PKIB: variants seen among roughly 807,000 people sequenced by gnomAD.
PKIB encodes the protein cAMP-dependent protein kinase inhibitor beta, also known as PKI-beta.
A neutral mutation model predicts 4.5 loss-of-function variants in PKIB; 2 were observed. The observed-to-expected ratio is 0.44, with a 90% CI of 0.18 to 1.39. PKIB has a LOEUF of 1.39. PKIB is among the 40% of genes most tolerant of loss of function. PKIB has a pLI of 0.27. For missense variants in PKIB, 94 were observed against 92.6 expected (o/e 1.02, Z -0.06); for synonymous variants, 38 against 36.0 (o/e 1.06, Z -0.20).
At chr6:122,660,927 A>G (rs1776960108) in intron 2 of PKIB, among the ~76,000 whole-genome samples, 3 of 152,202 alleles carry the variant, frequency 2.0e-5, no homozygotes, top group Non-Finnish European at 4.4e-5. Flanking sequence ...TTATAGATTA[A>G]ATATTTATAC....
chr6:122,497,916 C>T (rs1481468201), intron 2 of PKIB, among the ~76,000 whole-genome samples: 1 of 152,166 alleles, frequency 6.6e-6, no homozygotes, highest in African/African-American at 2.4e-5. Context: ...AATATACATT[C>T]TTCTTATCTG....
At chr6:122,532,801 T>TAC in intron 2 of PKIB, among the ~76,000 whole-genome samples, 1 of 152,312 alleles carries the variant, frequency 6.6e-6, no homozygotes, top group African/African-American at 2.4e-5. Flanking sequence ...TTCTTTTGGC[T>TAC]ACTATGAATA....
intron 2 of PKIB, among the ~76,000 whole-genome samples, chr6:122,669,504 G>C (rs1469840574): frequency 1.3e-5 from 2 of 151,382 alleles, no homozygotes; most frequent in Non-Finnish European, 2.9e-5. Flanking sequence ...GCTCTCTTCT[G>C]CCTTTTGTGA....
At chr6:122,493,273 C>G (rs947877888) in intron 2 of PKIB, 7 of 152,168 alleles carry the variant, frequency 4.6e-5, no homozygotes, top group Admixed American at 3.3e-4. Context: ...TAAATTGGCT[C>G]CAGAGAGCTC....
chr6:122,541,813 G>T (rs1176320738), intron 2 of PKIB, among the ~76,000 whole-genome samples: 1 of 151,598 alleles, frequency 6.6e-6, no homozygotes, highest in Non-Finnish European at 1.5e-5. Context: ...GTCATTTTCA[G>T]GTACACCAAT....
chr6:122,677,317 T>G (rs968497965), intron 3 of PKIB, among the ~76,000 whole-genome samples: 5 of 152,190 alleles, frequency 3.3e-5, no homozygotes, highest in Non-Finnish European at 5.9e-5. Context: ...ACTTGTTTTT[T>G]TTGTTTATTT....
rs146987674 is a variant in PKIB at position 122,541,320 on chromosome 6, C to T, written c.-247-44601C>T. Among the ~76,000 whole-genome samples, 339 of 152,036 alleles carry T rather than the reference C, an allele frequency of 2.2e-3. 8 individuals carry two copies. In the East Asian group the frequency reaches 0.044, roughly 20 times the overall value. On this transcript the variant is annotated intron_variant, in intron 2 of 6. Transcript: ENST00000392491. Reference sequence around the variant, plus strand: ...TGGCATGTTTTTGCAGTGGGTGGTACCGGTTGTTCCTTTCCATGTTTAGTG... The same window carrying T: ...TGGCATGTTTTTGCAGTGGGTGGTATCGGTTGTTCCTTTCCATGTTTAGTG...
At chr6:122,541,295 T>A (rs1037842055) in intron 2 of PKIB, among the ~76,000 whole-genome samples, 2 of 152,120 alleles carry the variant, frequency 1.3e-5, no homozygotes, top group African/African-American at 4.8e-5. Context: ...CTTTACATTT[T>A]GGCATGTTTT....
At chr6:122,587,419 T>C (rs946416002) in intron 3 of PKIB, among the ~76,000 whole-genome samples, 9 of 152,212 alleles carry the variant, frequency 5.9e-5, no homozygotes, top group African/African-American at 1.9e-4. Flanking sequence ...CTTAATCCAG[T>C]CTATCATTGT....
At chr6:122,628,289 G>A (rs542811186) in intron 1 of PKIB, among the ~76,000 whole-genome samples, 10 of 152,226 alleles carry the variant, frequency 6.6e-5, no homozygotes, top group African/African-American at 2.2e-4. Flanking sequence ...CGCCTACCTC[G>A]GCCTCCCAAA....
intron 2 of PKIB, among the ~76,000 whole-genome samples, chr6:122,567,388 C>A (rs1449201817): frequency 6.6e-6 from 1 of 152,148 alleles, no homozygotes; most frequent in African/African-American, 2.4e-5. Flanking sequence ...TTTCATAATG[C>A]ACTCTTGATT....
chr6:122,680,447 G>A (rs1399298938), intron 3 of PKIB, among the ~76,000 whole-genome samples: 1 of 152,200 alleles, frequency 6.6e-6, no homozygotes. Context: ...ATGGTTGAAT[G>A]AGTTAGATAA....
intron 4 of PKIB, among the ~76,000 whole-genome samples, chr6:122,723,529 A>C (rs1366806885): frequency 6.6e-6 from 1 of 152,052 alleles, no homozygotes; most frequent in Non-Finnish European, 1.5e-5. Flanking sequence ...TACTTTCAAA[A>C]TTGGTCCATA....
chr6:122,618,134 C>A (rs757400177), intron 1 of PKIB, among the ~76,000 whole-genome samples: 1 of 152,064 alleles, frequency 6.6e-6, no homozygotes, highest in Non-Finnish European at 1.5e-5. Context: ...TTTCACTGCA[C>A]CCTGTGGTAA....
chr6:122,540,606 T>A (rs1265936360), intron 2 of PKIB, among the ~76,000 whole-genome samples: 4 of 151,926 alleles, frequency 2.6e-5, no homozygotes, highest in African/African-American at 7.3e-5. Flanking sequence ...TCCAACTATG[T>A]GGTCAATTTT....
chr6:122,504,423 T>C (rs1776337933), intron 2 of PKIB, among the ~76,000 whole-genome samples: 1 of 152,222 alleles, frequency 6.6e-6, no homozygotes, highest in African/African-American at 2.4e-5. Flanking sequence ...TTATTTACTG[T>C]GTTCCAAATG....
intron 2 of PKIB, among the ~76,000 whole-genome samples, chr6:122,662,446 G>A (rs1582788390): frequency 6.7e-6 from 1 of 148,332 alleles, no homozygotes; most frequent in South Asian, 2.2e-4. Flanking sequence ...CTCCCAAGTA[G>A]CTGCGATTAT....
intron 2 of PKIB, among the ~76,000 whole-genome samples, chr6:122,569,199 A>G (rs1460458905): frequency 6.6e-6 from 1 of 152,176 alleles, no homozygotes; most frequent in Non-Finnish European, 1.5e-5. Flanking sequence ...CTGATAGCTT[A>G]ACACAAAGAA....
intron 3 of PKIB, 131 bp downstream of exon 3, chr6:122,675,275 A>G (rs911904238): frequency 1.3e-4 from 20 of 152,470 alleles, no homozygotes; most frequent in African/African-American, 4.8e-4. Context: ...GAATGAGAGT[A>G]ATACATATGC....
Sources: allele counts gnomAD v4.1 joint callset (sites outside exome capture counted in the v4.1 genomes callset), GRCh38; gene constraint gnomAD v4.1.1; transcripts MANE v1.5; gene names NCBI Gene and HGNC (gene_info 2026-07-23, HGNC 2026-07-21).